The following SPOCK3 variants were observed in gnomAD, a reference collection of about 807,000 sequenced individuals.
SPOCK3 encodes testican-3.
Under a neutral mutation model 56.6 loss-of-function variants are expected in SPOCK3, and 30 were observed. That is an observed-to-expected ratio of 0.53 (90% CI 0.40 to 0.72). The LOEUF is 0.72. Ranked by LOEUF, SPOCK3 falls within the 30% of genes least tolerant of loss-of-function variation. SPOCK3 has a pLI of 0.00. For missense variants in SPOCK3, 527 were observed against 530.0 expected, an observed-to-expected ratio of 0.99 and a Z score of 0.06; for synonymous variants, 196 against 183.3, an observed-to-expected ratio of 1.07 and a Z score of -0.56.
At chr4:166,935,150 G>A (rs942033266) in intron 4 of SPOCK3, among the ~76,000 whole-genome samples, 1 of 152,096 alleles carries the variant, frequency 6.6e-6, no homozygotes, top group African/African-American at 2.4e-5. Context: ...CCACCATGGG[G>A]CTTGGCCACC....
chr4:166,902,642 CAT>C (rs202042847), intron 5 of SPOCK3, among the ~76,000 whole-genome samples: 4,391 of 151,454 alleles, frequency 0.029, 183 homozygotes, highest in African/African-American at 0.09. Context: ...ATGATATTTA[CAT>C]ATATTATAGC....
intron 3 of SPOCK3, among the ~76,000 whole-genome samples, chr4:167,030,480 T>C (rs548223231): frequency 1.3e-5 from 2 of 152,202 alleles, no homozygotes; most frequent in South Asian, 4.1e-4. Flanking sequence ...CTCAAGGTAT[T>C]GACTGTTGGC....
intron 2 of SPOCK3, among the ~76,000 whole-genome samples, chr4:167,192,323 T>G (rs769292493): frequency 1.4e-5 from 2 of 145,956 alleles, no homozygotes; most frequent in Non-Finnish European, 3.0e-5. Flanking sequence ...AAGTGTTCTC[T>G]CCAAACTTTT....
At chr4:167,234,350 T>C in intron 1 of SPOCK3, 100 bp downstream of exon 1, 1 of 636,804 alleles carries the variant, frequency 1.6e-6, no homozygotes, top group East Asian at 2.7e-5. Flanking sequence ...AGCCGGGCAC[T>C]CACACACACG....
chr4:166,840,781 T>G (rs868794823), intron 6 of SPOCK3, among the ~76,000 whole-genome samples: 1 of 139,050 alleles, frequency 7.2e-6, no homozygotes, highest in Middle Eastern at 3.7e-3. Flanking sequence ...GTTTTTTTTT[T>G]TTTTTTTTTT....
rs185387081 is a variant in SPOCK3 at position 166,904,123 on chromosome 4, T to C, written c.474+8497A>G. Among the ~76,000 whole-genome samples the C allele has an allele frequency of 4.2e-3, 641 of 151,912 alleles. 10 individuals carry two copies. The highest frequency in any genetic ancestry group is 0.015 in the African/African-American group (624 of 41,530). ...TATTATTACTTTTATATAATCTATA[T>C]TTTTATTCATAGCCATATTATTAGT... is the stretch of plus-strand genomic sequence containing the variant. On this transcript the variant is annotated intron_variant, in intron 5 of 10. Coordinates refer to ENST00000357545, the MANE Select transcript of SPOCK3 (RefSeq NM_001040159.2).
At chr4:166,924,889 C>T (rs909567363) in intron 4 of SPOCK3, among the ~76,000 whole-genome samples, 21 of 152,124 alleles carry the variant, frequency 1.4e-4, no homozygotes, top group Non-Finnish European at 2.6e-4. Flanking sequence ...CTTTTTTACT[C>T]TCATTTGTTT....
chr4:167,157,013 T>A (rs1187826317), intron 2 of SPOCK3, among the ~76,000 whole-genome samples: 6 of 152,098 alleles, frequency 3.9e-5, no homozygotes, highest in African/African-American at 1.4e-4. Context: ...TTGCATTAAG[T>A]TTTACTTGCA....
At chr4:166,750,905 C>T (rs971068751) in intron 8 of SPOCK3, among the ~76,000 whole-genome samples, 14 of 152,102 alleles carry the variant, frequency 9.2e-5, no homozygotes, top group African/African-American at 3.4e-4. Context: ...AGAAAGTGGG[C>T]ATTATGGAGG....
At chr4:166,979,890 T>C (rs565472811) in intron 4 of SPOCK3, among the ~76,000 whole-genome samples, 6 of 152,336 alleles carry the variant, frequency 3.9e-5, no homozygotes, top group Non-Finnish European at 7.4e-5. Context: ...CCACATGAGC[T>C]TTTTAAATTT....
At chr4:167,227,628 T>C (rs1006867323) in intron 2 of SPOCK3, among the ~76,000 whole-genome samples, 2 of 151,982 alleles carry the variant, frequency 1.3e-5, no homozygotes, top group African/African-American at 4.8e-5. Flanking sequence ...ATAGAAAAGA[T>C]GAAATGATTT....
intron 2 of SPOCK3, among the ~76,000 whole-genome samples, chr4:167,161,381 C>T (rs1255842032): frequency 2.6e-5 from 4 of 152,124 alleles, no homozygotes; most frequent in Non-Finnish European, 5.9e-5. Context: ...ATTAAAAAGT[C>T]AGGAAACAAC....
intron 2 of SPOCK3, among the ~76,000 whole-genome samples, chr4:167,132,698 C>A (rs2150384060): frequency 6.6e-6 from 1 of 152,228 alleles, no homozygotes; most frequent in South Asian, 2.1e-4. Context: ...GGGAACAAAT[C>A]CATTCTTTAC....
At chr4:166,973,777 C>T (rs1339590348) in intron 4 of SPOCK3, among the ~76,000 whole-genome samples, 1 of 152,136 alleles carries the variant, frequency 6.6e-6, no homozygotes, top group South Asian at 2.1e-4. Context: ...AAAGATAGAT[C>T]CAAGACTGAC....
At chr4:166,960,835 A>G (rs1425360673) in intron 4 of SPOCK3, among the ~76,000 whole-genome samples, 1 of 151,980 alleles carries the variant, frequency 6.6e-6, no homozygotes, top group African/African-American at 2.4e-5. Context: ...CCACCTGGTC[A>G]GTCTTTCAGG....
chr4:167,117,644 G>C (rs1416039104), intron 2 of SPOCK3, among the ~76,000 whole-genome samples: 1 of 152,112 alleles, frequency 6.6e-6, no homozygotes, highest in African/African-American at 2.4e-5. Flanking sequence ...CTGAGGTCTG[G>C]GGGCAGAGCA....
intron 4 of SPOCK3, among the ~76,000 whole-genome samples, chr4:166,944,759 A>C (rs1014175184): frequency 6.6e-6 from 1 of 152,260 alleles, no homozygotes. Context: ...GAGTGACAGT[A>C]ACTTCTATCA....
At chr4:167,032,663 T>C (rs1338632472) in intron 3 of SPOCK3, among the ~76,000 whole-genome samples, 1 of 151,404 alleles carries the variant, frequency 6.6e-6, no homozygotes, top group Non-Finnish European at 1.5e-5. Context: ...CCGAGCTTTA[T>C]AAAAAAAAGA....
At chr4:167,130,494 T>C (rs1021416932) in intron 2 of SPOCK3, among the ~76,000 whole-genome samples, 1 of 152,192 alleles carries the variant, frequency 6.6e-6, no homozygotes, top group African/African-American at 2.4e-5. Flanking sequence ...TGATGGCTCA[T>C]ACTCATTACC....
Sources: allele counts gnomAD v4.1 joint callset (sites outside exome capture counted in the v4.1 genomes callset), GRCh38; gene constraint gnomAD v4.1.1; transcripts MANE v1.5; gene names NCBI Gene and HGNC (gene_info 2026-07-23, HGNC 2026-07-21).